HS1BP3: variants seen among roughly 807,000 people sequenced by gnomAD.
HS1BP3 encodes the protein HCLS1-binding protein 3.
Under a neutral mutation model 33.5 loss-of-function variants are expected in HS1BP3, and 32 were observed. The observed-to-expected ratio is 0.95, with a 90% CI of 0.72 to 1.28. The LOEUF (loss-of-function observed/expected upper bound fraction) is 1.28. Ranked by LOEUF, HS1BP3 falls within the 50% of genes most tolerant of loss-of-function variation. The pLI, the probability that HS1BP3 is intolerant of heterozygous loss-of-function variation, is 0.00. For synonymous variants in HS1BP3, 187 were observed against 209.2 expected, an observed-to-expected ratio of 0.89 and a Z score of 0.92; for missense variants, 486 against 502.3, an observed-to-expected ratio of 0.97 and a Z score of 0.31.
chr2:20,624,645 A>G (rs1694713483), intron 5 of HS1BP3, 87 bp downstream of exon 5: 13 of 1,287,188 alleles, frequency 1.0e-5, no homozygotes, highest in Non-Finnish European at 1.3e-5. Flanking sequence ...TATGGGTCCT[A>G]TTCACGCCGG....
chr2:20,632,887 T>C (rs1695010558), intron 4 of HS1BP3, among the ~76,000 whole-genome samples: 2 of 152,270 alleles, frequency 1.3e-5, no homozygotes, highest in African/African-American at 4.8e-5. Context: ...CAGTGACTGA[T>C]ATTTGCATAA....
intron 2 of HS1BP3, among the ~76,000 whole-genome samples, chr2:20,604,967 C>T (rs920814610): frequency 6.6e-5 from 10 of 152,182 alleles, no homozygotes; most frequent in African/African-American, 1.7e-4. Flanking sequence ...CATTTAAAGT[C>T]CCACGGGAGA....
At chr2:20,565,374 C>G (rs904826251) in intron 5 of HS1BP3, among the ~76,000 whole-genome samples, 8 of 152,226 alleles carry the variant, frequency 5.3e-5, no homozygotes. Context: ...TGCTTCCTGA[C>G]CCTCCTGTCC....
chr2:20,567,752 C>T (rs1195178319), intron 5 of HS1BP3, among the ~76,000 whole-genome samples: 1 of 152,198 alleles, frequency 6.6e-6, no homozygotes, highest in Non-Finnish European at 1.5e-5. Context: ...GTGACCTTGC[C>T]CTTTCACCCC....
At chr2:20,629,247 C>T (rs1458889107) in intron 4 of HS1BP3, among the ~76,000 whole-genome samples, 2 of 152,136 alleles carry the variant, frequency 1.3e-5, no homozygotes, top group Non-Finnish European at 2.9e-5. Flanking sequence ...AACATGGAGT[C>T]GGGTCAGGTC....
rs111386531 is a variant in HS1BP3 at position 20,594,785 on chromosome 2, C to T, written c.*13-1991G>A. ...TTCCAGATCAAGGTGTCAGCAGCTT[C>T]GGTGTCTGGGAGGGCTGGCTCTCTG... On this transcript the variant is annotated intron_variant, in intron 3 of 3. Coordinates refer to the HS1BP3 transcript ENST00000415264. 6.9e-3 allele frequency among the ~76,000 whole-genome samples: 1,053 copies of T among 152,284 alleles called. 14 individuals carry two copies. The highest frequency in any genetic ancestry group is 0.024 in the African/African-American group (979 of 41,552).
intron 4 of HS1BP3, among the ~76,000 whole-genome samples, chr2:20,634,166 G>C (rs532808248): frequency 6.6e-6 from 1 of 152,272 alleles, no homozygotes; most frequent in African/African-American, 2.4e-5. Context: ...TTCTGGACAC[G>C]CCCTGTCCTC....
At chr2:20,580,978 T>A (rs1693520075) in intron 5 of HS1BP3, among the ~76,000 whole-genome samples, 1 of 152,218 alleles carries the variant, frequency 6.6e-6, no homozygotes, top group South Asian at 2.1e-4. Context: ...AGCCCCAGGT[T>A]AGTGTCCCAT....
chr2:20,637,725 C>G (rs538124572), intron 4 of HS1BP3: 1 of 152,246 alleles, frequency 6.6e-6, no homozygotes, highest in African/African-American at 2.4e-5. Flanking sequence ...TTCCTTTCTG[C>G]GGCAGGACCT....
At chr2:20,617,617 G>A (rs568777214), downstream of HS1BP3, among the ~76,000 whole-genome samples, 8 of 146,632 alleles carry the variant, frequency 5.5e-5, no homozygotes, top group South Asian at 1.5e-3. Context: ...ATCAGCCGGG[G>A]GCTCCCTCAG....
At chr2:20,555,147 C>G in the HS1BP3 span, among the ~76,000 whole-genome samples, 2 of 152,216 alleles carry the variant, frequency 1.3e-5, no homozygotes, top group African/African-American at 4.8e-5. Context: ...GTGGTATCAT[C>G]CCCACTTAAT....
chr2:20,646,546 C>G (rs1695525156), intron 1 of HS1BP3, among the ~76,000 whole-genome samples: 2 of 152,276 alleles, frequency 1.3e-5, no homozygotes, highest in African/African-American at 4.8e-5. Context: ...TCTCCTATGC[C>G]ATGTATGACA....
chr2:20,595,571 G>A (rs929701072), intron 3 of HS1BP3, among the ~76,000 whole-genome samples: 1 of 152,222 alleles, frequency 6.6e-6, no homozygotes, highest in South Asian at 2.1e-4. Context: ...GCCACAGCCC[G>A]TGCCTGCCTG....
intron 2 of HS1BP3, among the ~76,000 whole-genome samples, chr2:20,603,681 A>G (rs953386489): frequency 3.3e-5 from 5 of 152,242 alleles, no homozygotes; most frequent in African/African-American, 7.2e-5. Context: ...GTACAACTCT[A>G]TGCATGTAAT....
chr2:20,605,062 A>G (rs1184704393), intron 2 of HS1BP3, among the ~76,000 whole-genome samples: 3 of 152,372 alleles, frequency 2.0e-5, no homozygotes, highest in African/African-American at 7.2e-5. Flanking sequence ...ATGATGAAAC[A>G]GATGTCTTGG....
chr2:20,590,130 A>T (rs989895842), downstream of HS1BP3, among the ~76,000 whole-genome samples: 1 of 152,008 alleles, frequency 6.6e-6, no homozygotes, highest in Non-Finnish European at 1.5e-5. Flanking sequence ...AGGCAAGCAG[A>T]TGGGGCTGCT....
chr2:20,646,928 C>A (rs1052231584), intron 1 of HS1BP3, among the ~76,000 whole-genome samples: 1 of 152,234 alleles, frequency 6.6e-6, no homozygotes, highest in African/African-American at 2.4e-5. Flanking sequence ...AAGTGCCTGC[C>A]CAGGTCTCAC....
intron 2 of HS1BP3, among the ~76,000 whole-genome samples, chr2:20,642,298 C>T (rs945153719): frequency 3.3e-5 from 5 of 152,164 alleles, no homozygotes. Context: ...AACACACATC[C>T]TTGGCTCCAG....
At chr2:20,577,424 G>A (rs187403616) in intron 5 of HS1BP3, among the ~76,000 whole-genome samples, 18 of 152,174 alleles carry the variant, frequency 1.2e-4, no homozygotes, top group Admixed American at 2.0e-4. Flanking sequence ...TACCCCAAGG[G>A]CCTTGTCCAG....
Sources: allele counts gnomAD v4.1 joint callset (sites outside exome capture counted in the v4.1 genomes callset), GRCh38; gene constraint gnomAD v4.1.1; transcripts MANE v1.5; gene names NCBI Gene and HGNC (gene_info 2026-07-23, HGNC 2026-07-21).